Variants in PAQR5 observed in about 807,000 individuals in gnomAD.
PAQR5 encodes the protein membrane progestin receptor gamma.
Under a neutral mutation model 34.5 loss-of-function variants are expected in PAQR5, and 20 were observed. That is an observed-to-expected ratio of 0.58 (90% confidence interval 0.41 to 0.84). The LOEUF is 0.84. Ranked by LOEUF, PAQR5 falls within the 40% of genes least tolerant of loss-of-function variation. The pLI, the probability that PAQR5 is intolerant of heterozygous loss-of-function variation, is 0.00. For synonymous variants in PAQR5, 131 were observed against 155.6 expected (o/e 0.84, Z 1.18); for missense variants, 378 against 412.7 (o/e 0.92, Z 0.73).
chr15:69,354,180 C>T (rs1173750284), intron 2 of PAQR5, among the ~76,000 whole-genome samples: 2 of 152,156 alleles, frequency 1.3e-5, no homozygotes, highest in Non-Finnish European at 2.9e-5. Flanking sequence ...AGAACCATGA[C>T]CAACTAAGGT....
chr15:69,375,353 A>T (rs1354500), intron 3 of PAQR5, among the ~76,000 whole-genome samples: 13,941 of 152,084 alleles, frequency 0.092, 1,037 homozygotes, highest in African/African-American at 0.19. Context: ...ATTAGGACCC[A>T]CCCTAATGGC....
intron 2 of PAQR5, among the ~76,000 whole-genome samples, chr15:69,343,623 A>G (rs2054695443): frequency 6.6e-6 from 1 of 152,224 alleles, no homozygotes; most frequent in Non-Finnish European, 1.5e-5. Flanking sequence ...TCATCAATCA[A>G]TTTCAACACG....
At chr15:69,378,194 G>T (rs1188804464) in intron 3 of PAQR5, among the ~76,000 whole-genome samples, 3 of 146,778 alleles carry the variant, frequency 2.0e-5, no homozygotes, top group African/African-American at 7.6e-5. Flanking sequence ...GAACCCAGGA[G>T]GCAGAGGTTT....
chr15:69,346,396 C>T (rs2054773181), intron 2 of PAQR5, among the ~76,000 whole-genome samples: 1 of 149,544 alleles, frequency 6.7e-6, no homozygotes, highest in Non-Finnish European at 1.5e-5. Flanking sequence ...GCCTCCACCT[C>T]CTGGGCCCGA....
intron 6 of PAQR5, among the ~76,000 whole-genome samples, chr15:69,390,356 A>ATTTTTTT (rs144601337): frequency 1.5e-4 from 20 of 132,662 alleles, no homozygotes; most frequent in Admixed American, 3.2e-4. Flanking sequence ...TTATTTATTT[A>ATTTTTTT]TTTATTTTTT....
At chr15:69,305,403 C>A (rs757839452) in intron 1 of PAQR5, among the ~76,000 whole-genome samples, 7 of 152,028 alleles carry the variant, frequency 4.6e-5, no homozygotes, top group Non-Finnish European at 8.8e-5. Flanking sequence ...AGACTCAACA[C>A]GTGGGGTGTG....
Position 69,404,293 on chromosome 15 carries a change from G to A in PAQR5, c.*471G>A, listed in dbSNP as rs2140283938. On this transcript the variant is annotated 3_prime_UTR_variant, in exon 9 of 9. Transcript: ENST00000395407. ...TCACTGGGAGGACCTGTGAAAGAAA[G>A]TTGGTCACTGAGTGCCTTGGGGACT... The A allele has an allele frequency of 6.2e-6, 1 of 161,300 alleles. No homozygotes were observed. Among genetic ancestry groups the A allele is most frequent in the East Asian group, 1.8e-4 (1 of 5,456 alleles). 10.0% of individuals were successfully genotyped at this position (161,300 alleles called of 1,614,324 possible).
chr15:69,305,126 AG>A (rs2053685956), intron 1 of PAQR5, among the ~76,000 whole-genome samples: 1 of 152,008 alleles, frequency 6.6e-6, no homozygotes, highest in Non-Finnish European at 1.5e-5. Context: ...GGCGGTGGAG[AG>A]GGGGGATGTG....
rs1447028317 is a variant in PAQR5, at chr15:69,298,964, G to C, written c.-369G>C. ...CAGGTGCAGGGCCCGCGAGTCCGGG[G>C]TCGCCGCAGCCCGGGAGGAGTGTCT... On this transcript the variant is annotated 5_prime_UTR_variant, in exon 1 of 9. Transcript: ENST00000395407. The C allele has an allele frequency of 6.6e-6, 1 of 151,960 alleles. No individual in the cohort carries two copies. Among genetic ancestry groups the C allele is most frequent in the Non-Finnish European group, 1.5e-5 (1 of 67,960 alleles). 9.4% of individuals were successfully genotyped at this position (151,960 alleles called of 1,614,324 possible).
At chr15:69,403,198 TC>T (rs1207335964) in intron 8 of PAQR5, among the ~76,000 whole-genome samples, 1 of 152,258 alleles carries the variant, frequency 6.6e-6, no homozygotes, top group African/African-American at 2.4e-5. Flanking sequence ...TTTGGTTTTC[TC>T]TGATGGGCCT....
At position 69,385,894 on chromosome 15, in the gene PAQR5, GAC is replaced by G. The variant is rs531827532; in HGVS notation, c.385+1022_385+1023del. Among the ~76,000 whole-genome samples the G allele has an allele frequency of 1.3e-4, 20 of 148,422 alleles. 1 individual carries two copies. Among genetic ancestry groups the G allele is most frequent in the Admixed American group, 9.4e-4 (14 of 14,856 alleles). On this transcript the variant is annotated intron_variant, in intron 5 of 8. Transcript: ENST00000395407. The surrounding 1 kb of genome is among the most constrained non-coding windows in gnomAD (Gnocchi z 4.7). ...CACATGCCACATGTACTCACACATT[GAC>G]ACACACACAATACACTCACATACAC...
At chr15:69,335,160 G>A (rs566968178) in intron 1 of PAQR5, among the ~76,000 whole-genome samples, 1 of 151,428 alleles carries the variant, frequency 6.6e-6, no homozygotes, top group East Asian at 2.0e-4. Context: ...GGAGGTGGAG[G>A]TTGTAGTGAG....
At chr15:69,377,005 C>G (rs1285097165) in intron 3 of PAQR5, among the ~76,000 whole-genome samples, 1 of 152,180 alleles carries the variant, frequency 6.6e-6, no homozygotes, top group East Asian at 1.9e-4. Context: ...CCAGCCTTCT[C>G]CCTGCAGGTC....
chr15:69,367,443 G>A (rs2055431531), intron 3 of PAQR5, among the ~76,000 whole-genome samples: 1 of 152,186 alleles, frequency 6.6e-6, no homozygotes, highest in African/African-American at 2.4e-5. Context: ...ATAGCTCGGT[G>A]ACTTAACATA....
chr15:69,329,194 TG>T (rs2054321814), intron 1 of PAQR5, among the ~76,000 whole-genome samples: 1 of 152,168 alleles, frequency 6.6e-6, no homozygotes, highest in Non-Finnish European at 1.5e-5. Context: ...CCATAGCCCT[TG>T]TCCCCAGTGA....
chr15:69,315,461 T>G (rs2053925098), intron 1 of PAQR5, among the ~76,000 whole-genome samples: 1 of 152,192 alleles, frequency 6.6e-6, no homozygotes, highest in Admixed American at 6.5e-5. Context: ...GGAATGGGTC[T>G]CGAATGGGGA....
Position 69,403,934 on chromosome 15 carries a change from G to C in PAQR5, c.*112G>C. 8.7e-7 allele frequency: 1 copy of C among 1,152,626 alleles called. No homozygotes were observed. Among genetic ancestry groups the C allele is most frequent in the Non-Finnish European group, 1.2e-6 (1 of 817,056 alleles). 71.4% of individuals were successfully genotyped at this position (1,152,626 alleles called of 1,614,324 possible). A position where few individuals can be genotyped will look rare whatever the true frequency, so the allele number is the denominator to read the frequency against. On this transcript the variant is annotated 3_prime_UTR_variant, in exon 9 of 9. Transcript: ENST00000395407. ...ATGGCCTAAAATATTCATAATGGTT[G>C]GTGTCTTTTGAATGAATTCATGTCA...
intron 5 of PAQR5, among the ~76,000 whole-genome samples, chr15:69,389,057 C>A (rs570063363): frequency 6.6e-6 from 1 of 152,224 alleles, no homozygotes; most frequent in Non-Finnish European, 1.5e-5. Context: ...TAAAACACAA[C>A]GCAACACCCA....
At chr15:69,328,059 G>A (rs577745989) in intron 1 of PAQR5, among the ~76,000 whole-genome samples, 1 of 152,274 alleles carries the variant, frequency 6.6e-6, no homozygotes, top group South Asian at 2.1e-4. Flanking sequence ...GGGATTACAG[G>A]TGTGAGCCAC....
Sources: allele counts gnomAD v4.1 joint callset (sites outside exome capture counted in the v4.1 genomes callset), GRCh38; gene constraint gnomAD v4.1.1; non-coding constraint Gnocchi (gnomAD v3.1); transcripts MANE v1.5; gene names NCBI Gene and HGNC (gene_info 2026-07-23, HGNC 2026-07-21).